Variants in SGCD observed in about 807,000 individuals in gnomAD.
The protein encoded by SGCD is delta-sarcoglycan.
In SGCD, 18 loss-of-function variants were observed where a neutral mutation model predicts 36.6. The observed-to-expected ratio is 0.49, with a 90% CI of 0.34 to 0.73. The LOEUF (loss-of-function observed/expected upper bound fraction) is 0.73. SGCD is among the 30% of genes least tolerant of loss of function. The pLI is 0.01. For synonymous variants in SGCD, 133 were observed against 130.6 expected (o/e 1.02, Z -0.12); for missense variants, 387 against 346.7 (o/e 1.12, Z -0.92).
intron 3 of SGCD, among the ~76,000 whole-genome samples, chr5:156,269,469 C>CACAA (rs1766100918): frequency 3.3e-5 from 1 of 30,466 alleles, no homozygotes; most frequent in African/African-American, 1.2e-4. Flanking sequence ...GACTCCGTCT[C>CACAA]AAAAAAAAAA....
rs530874233 is a variant in SGCD, at chr5:156,084,294, A to T, written c.-281-33584A>T. Among the ~76,000 whole-genome samples, 58 of 152,320 alleles carry T rather than the reference A, an allele frequency of 3.8e-4. No homozygotes were observed. In the South Asian group the frequency reaches 0.011, roughly 30 times the overall value. On this transcript the variant is annotated intron_variant, in intron 1 of 9. Coordinates refer to the SGCD transcript ENST00000517913. ...TCAACAGCACTTTATAATTTTTAGT[A>T]TATAAGTACTATGCATAGTTTATAA...
the SGCD span, among the ~76,000 whole-genome samples, chr5:155,780,130 A>G: frequency 2.6e-5 from 4 of 152,150 alleles, no homozygotes; most frequent in Non-Finnish European, 5.9e-5. Context: ...ATGCACAGGA[A>G]CAGTGTAAAC....
At chr5:156,229,531 T>G (rs941780696) in intron 3 of SGCD, among the ~76,000 whole-genome samples, 1 of 151,646 alleles carries the variant, frequency 6.6e-6, no homozygotes, top group African/African-American at 2.4e-5. Context: ...TGCTGAGAAA[T>G]TTGCTGATAA....
Position 156,717,870 on chromosome 5 carries a change from G to A in SGCD, c.576-39711G>A, listed in dbSNP as rs966356658. Among the ~76,000 whole-genome samples the A allele has an allele frequency of 3.4e-4, 51 of 151,536 alleles. 1 individual carries two copies. Among genetic ancestry groups the A allele is most frequent in the African/African-American group, 1.2e-3 (49 of 40,896 alleles). ...TGCCCACATTTTCCCTTCACTCCCT[G>A]TGCCTCCTGACCAACCCCCAAGGCT... On this transcript the variant is annotated intron_variant, in intron 7 of 8. Transcript: ENST00000337851.
chr5:156,005,034 G>C (rs558615313), intron 1 of SGCD, among the ~76,000 whole-genome samples: 2 of 152,306 alleles, frequency 1.3e-5, no homozygotes, highest in African/African-American at 4.8e-5. Flanking sequence ...GGAGGGTGCT[G>C]CTTCCCCGAA....
At chr5:156,272,853 C>T (rs974464795) in intron 3 of SGCD, among the ~76,000 whole-genome samples, 3 of 152,132 alleles carry the variant, frequency 2.0e-5, no homozygotes, top group Non-Finnish European at 4.4e-5. Context: ...AAAAACACAT[C>T]GCCACACTCA....
intron 1 of SGCD, among the ~76,000 whole-genome samples, chr5:155,949,451 C>T (rs148159510): frequency 9.2e-5 from 14 of 152,190 alleles, no homozygotes; most frequent in African/African-American, 2.9e-4. Context: ...TTATAGTGTT[C>T]CCTGTTCTAC....
At chr5:156,299,241 G>A (rs904934016) in intron 3 of SGCD, among the ~76,000 whole-genome samples, 6 of 152,050 alleles carry the variant, frequency 3.9e-5, no homozygotes, top group Admixed American at 6.6e-5. Context: ...TTGAAAATGA[G>A]TTCACTGTAG....
At chr5:155,743,205 A>G in the SGCD span, among the ~76,000 whole-genome samples, 1 of 152,208 alleles carries the variant, frequency 6.6e-6, no homozygotes, top group East Asian at 1.9e-4. Context: ...GCTCAACCCT[A>G]CAATCACATA....
chr5:155,740,977 G>C, the SGCD span, among the ~76,000 whole-genome samples: 7,679 of 152,196 alleles, frequency 0.05, 267 homozygotes, highest in Middle Eastern at 0.16. Flanking sequence ...GTTATAGCTT[G>C]GTTTGTATAT....
intron 1 of SGCD, among the ~76,000 whole-genome samples, chr5:155,937,179 G>C (rs764189728): frequency 4.5e-4 from 69 of 152,166 alleles, no homozygotes; most frequent in Non-Finnish European, 9.1e-4. Context: ...GCATGACTTG[G>C]GTGGCTGCAG....
the SGCD span, among the ~76,000 whole-genome samples, chr5:155,805,660 GTT>G: frequency 6.6e-6 from 1 of 152,170 alleles, no homozygotes; most frequent in Admixed American, 6.5e-5. Flanking sequence ...ATAGCCTCTG[GTT>G]GAGAACCTCT....
chr5:155,833,054 G>GAAA, the SGCD span, among the ~76,000 whole-genome samples: 2 of 120,168 alleles, frequency 1.7e-5, no homozygotes, highest in South Asian at 2.6e-4. Context: ...CTAAAAATAC[G>GAAA]AAAAAAAAAA....
rs566588533 is a variant in SGCD, at chr5:156,609,404, C to T, written c.502+14353C>T. 2.3e-3 allele frequency among the ~76,000 whole-genome samples: 344 copies of T among 152,210 alleles called. 1 individual carries two copies. Among genetic ancestry groups the T allele is most frequent in the Non-Finnish European group, 4.0e-3 (274 of 68,004 alleles). On this transcript the variant is annotated intron_variant, in intron 6 of 8. Coordinates refer to ENST00000337851, the MANE Select transcript of SGCD (RefSeq NM_000337.6). ...CTCTTCTGGCTTGTAGAGTTTCTGC[C>T]GAGAGATCGGCTGTTAGTCTGATGG...
intron 1 of SGCD, among the ~76,000 whole-genome samples, chr5:155,992,849 C>A (rs1043740405): frequency 1.3e-5 from 2 of 152,180 alleles, no homozygotes; most frequent in Admixed American, 6.5e-5. Flanking sequence ...ATTTCTGATG[C>A]TTTGACCTCT....
At chr5:156,153,751 C>T (rs1198257398) in intron 3 of SGCD, among the ~76,000 whole-genome samples, 1 of 151,510 alleles carries the variant, frequency 6.6e-6, no homozygotes, top group Non-Finnish European at 1.5e-5. Flanking sequence ...GTCAGCTACA[C>T]GTGGAAATCA....
chr5:156,360,977 G>T (rs996492768), intron 3 of SGCD, among the ~76,000 whole-genome samples: 3 of 152,036 alleles, frequency 2.0e-5, no homozygotes, highest in Non-Finnish European at 2.9e-5. Flanking sequence ...CATGATTGAG[G>T]CAAGGGGTCA....
rs1762460711 is a variant in SGCD at position 156,136,482 on chromosome 5, G to A, written c.-44+12463G>A. ...GGATGACCACATGCAAATGCACATG[G>A]CCTGTATACAATTTCAGGATGTGTT... is the stretch of plus-strand genomic sequence containing the variant. On this transcript the variant is annotated intron_variant, in intron 3 of 9. Transcript: ENST00000517913. 4.6e-5 allele frequency among the ~76,000 whole-genome samples: 7 copies of A among 152,258 alleles called. 1 individual carries two copies. The South Asian group carries it at 1.0e-3, about 23-fold the overall frequency.
At chr5:155,948,569 C>G (rs767547128) in intron 1 of SGCD, among the ~76,000 whole-genome samples, 1 of 152,122 alleles carries the variant, frequency 6.6e-6, no homozygotes, top group African/African-American at 2.4e-5. Flanking sequence ...AAAATCAAAC[C>G]AGCTTGGTGC....
Sources: allele counts gnomAD v4.1 joint callset (sites outside exome capture counted in the v4.1 genomes callset), GRCh38; gene constraint gnomAD v4.1.1; transcripts MANE v1.5; gene names NCBI Gene and HGNC (gene_info 2026-07-23, HGNC 2026-07-21).